PRKDC: variants seen among roughly 807,000 people sequenced by gnomAD.
PRKDC encodes the protein DNA-dependent protein kinase catalytic subunit.
Under a neutral mutation model 486.9 loss-of-function variants are expected in PRKDC, and 82 were observed. The ratio of observed to expected loss-of-function variants is 0.17; its 90% confidence interval spans 0.14 to 0.20. The LOEUF is 0.20. Among genes scored for constraint, PRKDC ranks in the 10% least tolerant of loss-of-function variants. The pLI is 1.00. For missense variants in PRKDC, 4,504 were observed against 5,038.2 expected (o/e 0.89, Z 3.21); for synonymous variants, 1,895 against 1,837.0 (o/e 1.03, Z -0.81).
chr8:47,855,160 T>C, intron 50 of PRKDC, 62 bp downstream of exon 50: 2 of 1,398,782 alleles, frequency 1.4e-6, no homozygotes, highest in South Asian at 2.7e-5. Context: ...TAATCATCAT[T>C]TACGACACAC....
chr8:47,867,881 T>A (rs911515083), intron 40 of PRKDC, among the ~76,000 whole-genome samples: 2 of 152,218 alleles, frequency 1.3e-5, no homozygotes, highest in Admixed American at 1.3e-4. Context: ...TAGACAGCCT[T>A]TGTCAGTTTT....
chr8:47,832,309 G>T (rs565843354), intron 59 of PRKDC, among the ~76,000 whole-genome samples: 4 of 152,304 alleles, frequency 2.6e-5, no homozygotes, highest in African/African-American at 9.6e-5. Context: ...ACAGGTGACC[G>T]CAACACTCCT....
chr8:47,838,132 T>C (rs1295995186), intron 56 of PRKDC, among the ~76,000 whole-genome samples: 2 of 151,840 alleles, frequency 1.3e-5, no homozygotes, highest in Admixed American at 6.6e-5. Context: ...TGAGACTCCA[T>C]CTCAAAAAAA....
At chr8:47,816,998 G>A (rs984637212) in intron 68 of PRKDC, among the ~76,000 whole-genome samples, 1 of 152,096 alleles carries the variant, frequency 6.6e-6, no homozygotes, top group African/African-American at 2.4e-5. Context: ...GAGAAGATGA[G>A]GACATGAACA....
chr8:47,898,430 T>A (rs1356326964), intron 29 of PRKDC, 40 bp downstream of exon 29: 1 of 1,465,404 alleles, frequency 6.8e-7, no homozygotes, highest in Admixed American at 2.0e-5. Flanking sequence ...ATTAGTTTTA[T>A]GTTGTGGGAA....
chr8:47,821,031 C>A, intron 65 of PRKDC, 88 bp from the exon 66 acceptor site: 1 of 805,814 alleles, frequency 1.2e-6, no homozygotes, highest in Non-Finnish European at 1.8e-6. Context: ...CTTTGCTATA[C>A]TTTCACAGGT....
intron 7 of PRKDC, among the ~76,000 whole-genome samples, chr8:47,947,487 C>T (rs2090553261): frequency 1.3e-5 from 2 of 152,220 alleles, no homozygotes; most frequent in Non-Finnish European, 2.9e-5. Context: ...GCACCCATGG[C>T]CAGGCACAGT....
intron 68 of PRKDC, among the ~76,000 whole-genome samples, chr8:47,810,453 A>G (rs1185333535): frequency 6.6e-6 from 1 of 152,248 alleles, no homozygotes; most frequent in African/African-American, 2.4e-5. Flanking sequence ...AAGGTTTGGT[A>G]TTATCCATGG....
chr8:47,949,050 G>A (rs889926121), intron 7 of PRKDC, among the ~76,000 whole-genome samples: 1 of 152,214 alleles, frequency 6.6e-6, no homozygotes, highest in Non-Finnish European at 1.5e-5. Context: ...CTCCTTCCAA[G>A]AGGCTCTAGG....
chr8:47,792,523 G>T (rs1310747726), intron 74 of PRKDC, among the ~76,000 whole-genome samples: 3 of 152,122 alleles, frequency 2.0e-5, no homozygotes, highest in African/African-American at 7.2e-5. Flanking sequence ...CTCCCAAAGT[G>T]CTGGGATTAC....
intron 70 of PRKDC, among the ~76,000 whole-genome samples, chr8:47,801,832 C>A (rs1266625763): frequency 6.6e-6 from 1 of 152,172 alleles, no homozygotes; most frequent in Non-Finnish European, 1.5e-5. Flanking sequence ...GCCTGATCAA[C>A]CACATGCCCT....
At position 47,773,816 on chromosome 8, in the gene PRKDC, G is replaced by A; in HGVS notation, c.*357C>T. ...TGCCAGAACCAGAAGGGCATTCCAA[G>A]GCTTCCCCACATTTCCTCCATTTAC... On this transcript the variant is annotated 3_prime_UTR_variant, in exon 86 of 86. Transcript: ENST00000314191. 4.0e-6 allele frequency: 1 copy of A among 250,072 alleles called. No individual in the cohort carries two copies. The highest frequency in any genetic ancestry group is 1.5e-4 in the South Asian group (1 of 6,568). The allele number at this position is 250,072 out of a possible 1,614,324, so 15.5% of individuals were successfully genotyped here.
intron 37 of PRKDC, 25 bp downstream of exon 37, chr8:47,881,887 A>C: frequency 6.4e-7 from 1 of 1,571,070 alleles, no homozygotes; most frequent in East Asian, 2.3e-5. Context: ...AATAAACATG[A>C]CTGCTTTTTA....
rs1467909044 is a variant in PRKDC, at chr8:47,821,778, T to C, written c.8937A>G (p.Gln2979=). The stretch of plus-strand genomic sequence containing the variant: ...CTGTGGGCTCACCATCTACCCAGTC[T>C]TGTTTATTGAGAGCCTAGTGGAGAA... ...AKQYDEALNK[Q]DWVDGEPTEA... is the part of the protein sequence containing the mutation. Residue 2979 remains glutamine, a synonymous_variant, in exon 65 of 86, where the codon CAA becomes CAG. Transcript: ENST00000314191. 2 of 1,564,192 alleles carry C rather than the reference T, an allele frequency of 1.3e-6. No individual in the cohort carries two copies. Among genetic ancestry groups the C allele is most frequent in the Non-Finnish European group, 1.7e-6 (2 of 1,162,130 alleles).
rs746938601 is a variant in PRKDC at position 47,823,970 on chromosome 8, T to C, written c.8810A>G (p.Asp2937Gly). Reference protein sequence around the residue: ...AKLYRSIGEYDVLRGIFTSEI... With the variant: ...AKLYRSIGEYGVLRGIFTSEI... ...ACTGGTAAAAATCCCACGGAGGACG[T>C]CGTATTCTCCAATTGATCTATACAG... Residue 2937 changes from aspartate (D) to glycine (G), a missense_variant, in exon 64 of 86, where the codon GAC becomes GGC. Coordinates refer to ENST00000314191, the MANE Select transcript of PRKDC (RefSeq NM_006904.7). The C allele has an allele frequency of 3.7e-6, 6 of 1,613,308 alleles. No homozygotes were observed. In the African/African-American group the frequency reaches 8.0e-5, roughly 22 times the overall value.
rs2090303142 is a variant in PRKDC, at chr8:47,933,979, A to C, written c.1609T>G (p.Ser537Ala). 16 of 1,612,606 alleles carry C rather than the reference A, an allele frequency of 9.9e-6. No homozygotes were observed. Among genetic ancestry groups the C allele is most frequent in the Non-Finnish European group, 1.4e-5 (16 of 1,179,610 alleles). ...GTAAATGTTACCATCATCTGGTCAG[A>C]GCTCAGGAGATGTCTGAAGAGATCC... The part of the protein sequence containing the change: ...YVDLFRHLLS[S>A]DQMMDSILAD... The change falls in exon 15 of 86, where the codon TCT (serine) becomes GCT (alanine). Residue 537 changes from serine (S) to alanine (A), a missense_variant. Coordinates refer to ENST00000314191, the MANE Select transcript of PRKDC (RefSeq NM_006904.7).
intron 7 of PRKDC, among the ~76,000 whole-genome samples, chr8:47,952,010 T>C (rs1251853694): frequency 6.6e-6 from 1 of 152,174 alleles, no homozygotes; most frequent in African/African-American, 2.4e-5. Context: ...TTGTGCACTG[T>C]TGGTGGGAAT....
At chr8:47,853,570 C>G (rs568844446) in intron 51 of PRKDC, among the ~76,000 whole-genome samples, 3 of 152,304 alleles carry the variant, frequency 2.0e-5, no homozygotes, top group Non-Finnish European at 2.9e-5. Flanking sequence ...CCCAGCTGCC[C>G]TAGCTCCCAG....
chr8:47,870,287 G>T (rs974753342), intron 40 of PRKDC, among the ~76,000 whole-genome samples: 10 of 152,196 alleles, frequency 6.6e-5, no homozygotes, highest in South Asian at 4.1e-4. Context: ...CCCAATGGTG[G>T]TGGCTACAGA....
Sources: allele counts gnomAD v4.1 joint callset (sites outside exome capture counted in the v4.1 genomes callset), GRCh38; gene constraint gnomAD v4.1.1; transcripts MANE v1.5; gene names NCBI Gene and HGNC (gene_info 2026-07-23, HGNC 2026-07-21).